The following LTBP2 variants were observed in gnomAD, a reference collection of about 807,000 sequenced individuals.
LTBP2 encodes latent-transforming growth factor beta-binding protein 2.
Under a neutral mutation model 210.6 loss-of-function variants are expected in LTBP2, and 103 were observed. The ratio of observed to expected loss-of-function variants is 0.49; its 90% CI spans 0.42 to 0.58. The LOEUF is 0.58. Ranked by LOEUF, LTBP2 falls within the 20% of genes least tolerant of loss-of-function variation. The pLI is 0.00. For synonymous variants in LTBP2, 1,007 were observed against 1,015.0 expected (o/e 0.99, Z 0.15); for missense variants, 2,313 against 2,494.5 (o/e 0.93, Z 1.55).
intron 2 of LTBP2, among the ~76,000 whole-genome samples, chr14:74,587,554 T>A (rs2088225282): frequency 6.6e-6 from 1 of 151,034 alleles, no homozygotes; most frequent in Non-Finnish European, 1.5e-5. Context: ...AAGACCAGGC[T>A]GTGGAGGCTG....
At chr14:74,573,460 G>A (rs2088012460) in intron 3 of LTBP2, among the ~76,000 whole-genome samples, 1 of 152,232 alleles carries the variant, frequency 6.6e-6, no homozygotes, top group Admixed American at 6.5e-5. Flanking sequence ...GGCAGGAGAA[G>A]GGTGAGTGGA....
rs1390605868 is a variant in LTBP2 at position 74,612,145 on chromosome 14, T to TA, written c.-202dup. 4 of 545,758 alleles carry TA rather than the reference T, an allele frequency of 7.3e-6. No homozygotes were observed. Among genetic ancestry groups the TA allele is most frequent in the Non-Finnish European group, 1.2e-5 (4 of 323,502 alleles). The allele number at this position is 545,758 out of a possible 1,614,324, so 33.8% of individuals were successfully genotyped here. ...GCCCCGAGCCTCGAGTCCGCGCTCC[T>TA]ACTCCAGCTGGGCTCGCACGGCTGC... On this transcript the variant is annotated 5_prime_UTR_variant, in exon 1 of 36. Transcript: ENST00000261978.
chr14:74,568,034 G>A (rs1473696030), intron 3 of LTBP2, among the ~76,000 whole-genome samples: 1 of 152,190 alleles, frequency 6.6e-6, no homozygotes, highest in Non-Finnish European at 1.5e-5. Flanking sequence ...ACCCAGACTG[G>A]GGGGCAGGGG....
At chr14:74,502,580 C>T (rs2086923024) in intron 34 of LTBP2, 73 bp downstream of exon 34, 2 of 1,600,556 alleles carry the variant, frequency 1.2e-6, no homozygotes, top group African/African-American at 1.3e-5. Context: ...GGCAATATGA[C>T]TAGCAGGTGG....
Position 74,503,230 on chromosome 14 carries a change from G to C in LTBP2, c.4877C>G (p.Pro1626Arg). 2 of 1,613,952 alleles carry C rather than the reference G, an allele frequency of 1.2e-6. No homozygotes were observed. The highest frequency in any genetic ancestry group is 2.2e-5 in the South Asian group (2 of 91,078). ...TTGCTCCCCCTCACCAGAGCTCCTC[G>C]GGGGACACAGAGCACACTGCTGGCT... The part of the protein sequence containing the change: ...AWSQQCALCP[P>R]RSSEVYAQLC... The change falls in exon 33 of 36, where the codon CCG becomes CGG. Residue 1626 changes from proline (P) to arginine (R), a missense_variant. Physicochemically the swap from Pro to Arg is moderately radical, Grantham distance 103 (BLOSUM62 -2). Coordinates refer to ENST00000261978, the MANE Select transcript of LTBP2 (RefSeq NM_000428.3).
intron 12 of LTBP2, among the ~76,000 whole-genome samples, chr14:74,528,061 G>A (rs930663835): frequency 2.0e-5 from 3 of 152,210 alleles, no homozygotes; most frequent in Admixed American, 6.5e-5. Context: ...GTCCAAGGCC[G>A]TTGAGCTGGA....
intron 16 of LTBP2, 90 bp from the exon 17 acceptor site, chr14:74,522,129 G>T (rs2139710211): frequency 6.9e-7 from 1 of 1,457,718 alleles, no homozygotes; most frequent in Non-Finnish European, 9.4e-7. Flanking sequence ...ACTAGGGGCT[G>T]GGCAGGGGAT....
At chr14:74,563,851 T>C (rs1374552142) in intron 3 of LTBP2, among the ~76,000 whole-genome samples, 2 of 149,856 alleles carry the variant, frequency 1.3e-5, no homozygotes, top group Non-Finnish European at 1.5e-5. Context: ...GTGTAGGGCA[T>C]GTGAACTCCT....
rs1005222065 is a variant in LTBP2 at position 74,515,126 on chromosome 14, G to A, written c.2908+1696C>T. Among the ~76,000 whole-genome samples, 6 of 152,226 alleles carry A rather than the reference G, an allele frequency of 3.9e-5. No homozygotes were observed. The East Asian group carries it at 7.7e-4, about 20-fold the overall frequency. ...GCACTTTGTATACATTAGCTTATCCGGTGCTCACAAACATCTCTGAGATGG... is the reference window on the plus strand; with the variant it reads ...GCACTTTGTATACATTAGCTTATCCAGTGCTCACAAACATCTCTGAGATGG... On this transcript the variant is annotated intron_variant, in intron 18 of 35. Coordinates refer to ENST00000261978, the MANE Select transcript of LTBP2 (RefSeq NM_000428.3).
intron 8 of LTBP2, among the ~76,000 whole-genome samples, chr14:74,536,989 T>TTA (rs1257269078): frequency 1.3e-5 from 2 of 152,236 alleles, no homozygotes; most frequent in African/African-American, 2.4e-5. Context: ...TACATGCATG[T>TTA]TATATATATA....
intron 3 of LTBP2, among the ~76,000 whole-genome samples, chr14:74,578,274 A>T (rs73297959): frequency 6.6e-6 from 1 of 152,188 alleles, no homozygotes; most frequent in African/African-American, 2.4e-5. Context: ...AGGTAGGCCA[A>T]GAGATTTCAG....
intron 12 of LTBP2, 77 bp downstream of exon 12, chr14:74,528,406 A>T: frequency 6.6e-7 from 1 of 1,525,298 alleles, no homozygotes; most frequent in Non-Finnish European, 9.1e-7. Context: ...ACCCAGGATT[A>T]ACACCCACAC....
At chr14:74,578,172 C>G (rs2052592356) in intron 3 of LTBP2, among the ~76,000 whole-genome samples, 1 of 152,020 alleles carries the variant, frequency 6.6e-6, no homozygotes, top group African/African-American at 2.4e-5. Flanking sequence ...CTCAGTTTCC[C>G]CAGCTATAAG....
intron 10 of LTBP2, among the ~76,000 whole-genome samples, chr14:74,531,259 G>A (rs2087346409): frequency 6.6e-6 from 1 of 152,198 alleles, no homozygotes; most frequent in South Asian, 2.1e-4. Flanking sequence ...GGAGGCTGGA[G>A]GGAGTAACAC....
chr14:74,589,131 T>C (rs1444027163), intron 2 of LTBP2, among the ~76,000 whole-genome samples: 2 of 152,192 alleles, frequency 1.3e-5, no homozygotes, highest in South Asian at 4.1e-4. Flanking sequence ...ACAGAATTTT[T>C]AAATAATGAT....
chr14:74,607,768 T>C (rs1009496490), intron 1 of LTBP2, among the ~76,000 whole-genome samples: 23 of 152,296 alleles, frequency 1.5e-4, no homozygotes, highest in Admixed American at 1.2e-3. Flanking sequence ...TATAGTAATA[T>C]TGTAAAAACA....
At chr14:74,505,343 A>G (rs2086968710) in intron 28 of LTBP2, among the ~76,000 whole-genome samples, 169 bp from the exon 29 acceptor site, 1 of 152,210 alleles carries the variant, frequency 6.6e-6, no homozygotes, top group Admixed American at 6.5e-5. Flanking sequence ...GAAGTGGCCT[A>G]ATCATCATCT....
In LTBP2 at chr14:74,586,366, A is replaced by G. The variant is rs2088205573; in HGVS notation, c.566-248T>C. On this transcript the variant is annotated intron_variant, in intron 2 of 35. Coordinates refer to ENST00000261978, the MANE Select transcript of LTBP2 (RefSeq NM_000428.3). This position sits in a 1 kb window ranked among gnomAD's most constrained non-coding sequence, Gnocchi z 4.6. ...TATATGGCCAGCTGCAGAGTGGCTC[A>G]CACCACCACGTCCCACAGCACACCC... Among the ~76,000 whole-genome samples the G allele has an allele frequency of 6.6e-6, 1 of 152,134 alleles. No individual in the cohort carries two copies. Among genetic ancestry groups the G allele is most frequent in the African/African-American group, 2.4e-5 (1 of 41,418 alleles).
intron 3 of LTBP2, among the ~76,000 whole-genome samples, chr14:74,561,910 T>A (rs1204181117): frequency 2.6e-5 from 4 of 151,958 alleles, no homozygotes; most frequent in Non-Finnish European, 4.4e-5. Context: ...ACATTCCAGA[T>A]TAGAAAAACA....
Sources: allele counts gnomAD v4.1 joint callset (sites outside exome capture counted in the v4.1 genomes callset), GRCh38; gene constraint gnomAD v4.1.1; non-coding constraint Gnocchi (gnomAD v3.1); transcripts MANE v1.5; gene names NCBI Gene and HGNC (gene_info 2026-07-23, HGNC 2026-07-21).